The following SLC44A2 variants were observed in gnomAD, a reference collection of about 807,000 sequenced individuals.
SLC44A2 encodes choline transporter-like protein 2.
A neutral mutation model predicts 90.8 loss-of-function variants in SLC44A2; 57 were observed. That is an observed-to-expected ratio of 0.63 (90% CI 0.51 to 0.78). The LOEUF (loss-of-function observed/expected upper bound fraction) is 0.78, where lower values mean the gene tolerates loss of function less well. Ranked by LOEUF, SLC44A2 falls within the 30% of genes least tolerant of loss-of-function variation. SLC44A2 has a pLI of 0.00. For synonymous variants in SLC44A2, 355 were observed against 360.7 expected (o/e 0.98, Z 0.18); for missense variants, 794 against 919.7 (o/e 0.86, Z 1.77).
chr19:10,607,502 C>A (rs1199162508), intron 1 of SLC44A2, among the ~76,000 whole-genome samples: 1 of 149,406 alleles, frequency 6.7e-6, no homozygotes, highest in African/African-American at 2.5e-5. Flanking sequence ...GGGTGTGTGC[C>A]GTGATACTCA....
At chr19:10,630,252 G>C (rs566081607) in intron 4 of SLC44A2, among the ~76,000 whole-genome samples, 8 of 152,124 alleles carry the variant, frequency 5.3e-5, no homozygotes, top group Non-Finnish European at 1.0e-4. Context: ...TCAGGAGGAT[G>C]AGGTGGAGGA....
At chr19:10,634,179 G>A (rs1443928020) in intron 10 of SLC44A2, among the ~76,000 whole-genome samples, 5 of 133,658 alleles carry the variant, frequency 3.7e-5, no homozygotes, top group Non-Finnish European at 1.6e-5. Flanking sequence ...TAGTAGACAC[G>A]GGGTTTCACC....
At chr19:10,615,546 C>T (rs1159086265) in intron 1 of SLC44A2, among the ~76,000 whole-genome samples, 1 of 151,652 alleles carries the variant, frequency 6.6e-6, no homozygotes, top group African/African-American at 2.4e-5. Flanking sequence ...TGCGCTCCAG[C>T]CTGGGCAACA....
At chr19:10,614,123 G>A (rs2066836522) in intron 1 of SLC44A2, among the ~76,000 whole-genome samples, 5 of 151,788 alleles carry the variant, frequency 3.3e-5, no homozygotes, top group Admixed American at 2.0e-4. Flanking sequence ...ACACCACCAC[G>A]CCCAGCTAAT....
At chr19:10,614,226 C>G (rs1280608196) in intron 1 of SLC44A2, among the ~76,000 whole-genome samples, 3 of 152,060 alleles carry the variant, frequency 2.0e-5, no homozygotes, top group African/African-American at 7.2e-5. Context: ...CTCGGCCTCC[C>G]AAAGTGCAGG....
chr19:10,634,688 G>A (rs879868655), intron 10 of SLC44A2, 68 bp from the exon 11 acceptor site: 61 of 1,604,926 alleles, frequency 3.8e-5, no homozygotes, highest in South Asian at 1.5e-4. Context: ...TTAAATGGGG[G>A]CAGTTGTAGC....
intron 10 of SLC44A2, among the ~76,000 whole-genome samples, chr19:10,632,996 A>T (rs767282598): frequency 6.6e-6 from 1 of 151,740 alleles, no homozygotes. Context: ...TCTCTATAAA[A>T]TGAGGGTAAT....
intron 1 of SLC44A2, among the ~76,000 whole-genome samples, chr19:10,613,530 T>C (rs2066830544): frequency 1.3e-5 from 2 of 152,014 alleles, no homozygotes; most frequent in African/African-American, 4.8e-5. Flanking sequence ...GGATTACAGG[T>C]GTAAGCCACT....
Position 10,632,123 on chromosome 19 carries a change from A to C in SLC44A2, c.790A>C (p.Met264Leu), listed in dbSNP as rs1417943025. 9 of 1,613,886 alleles carry C rather than the reference A, an allele frequency of 5.6e-6. No homozygotes were observed. The highest frequency in any genetic ancestry group is 1.7e-5 in the Admixed American group (1 of 59,970). ...CCTGGCTGGTATTATGGTCTGGGTG[A>C]TGATCATCATGGTGATTCTGGTGCT... ...RFLAGIMVWV[M>L]IIMVILVLGY... Residue 264 changes from methionine (M) to leucine (L), a missense_variant, in exon 10 of 22, where the codon ATG becomes CTG. Physicochemically the swap from Met to Leu is conservative, Grantham distance 15. Coordinates refer to ENST00000335757, the MANE Select transcript of SLC44A2 (RefSeq NM_020428.4).
chr19:10,616,591 A>T (rs946644200), intron 1 of SLC44A2, among the ~76,000 whole-genome samples: 5 of 151,924 alleles, frequency 3.3e-5, no homozygotes, highest in African/African-American at 1.2e-4. Context: ...GGGACCTGGC[A>T]TAGTGGCTCA....
At chr19:10,642,110 T>C (rs1457592270) in intron 20 of SLC44A2, among the ~76,000 whole-genome samples, 2 of 147,818 alleles carry the variant, frequency 1.4e-5, no homozygotes, top group Non-Finnish European at 3.0e-5. Flanking sequence ...TGAGCCAAGA[T>C]CGTACCATGG....
At chr19:10,634,478 A>G (rs573918816) in intron 10 of SLC44A2, among the ~76,000 whole-genome samples, 248 of 151,800 alleles carry the variant, frequency 1.6e-3, no homozygotes, top group African/African-American at 5.3e-3. Context: ...AAAAAAAAAA[A>G]AGAGAGAGAA....
upstream of SLC44A2, chr19:10,602,471 C>T (rs1917986878): frequency 3.5e-6 from 4 of 1,151,812 alleles, no homozygotes; most frequent in South Asian, 1.2e-4. Context: ...CGCGGAGCCT[C>T]CCGCCCGCCC....
Position 10,636,752 on chromosome 19 carries a change from G to T in SLC44A2, c.1587G>T (p.Leu529=), listed in dbSNP as rs763309713. ...TACTCGAGTACCTGGATCAGCGGCT[G>T]AAAGGTACGTCCCACCCACGGTTCG... The part of the protein sequence containing the change: ...RVILEYLDQR[L]KAAENKFAKC... The change falls in exon 16 of 22, where the codon CTG becomes CTT. Residue 529 remains leucine, a synonymous_variant. Coordinates refer to ENST00000335757, the MANE Select transcript of SLC44A2 (RefSeq NM_020428.4). 1.2e-6 allele frequency: 2 copies of T among 1,613,432 alleles called. No individual in the cohort carries two copies. The highest frequency in any genetic ancestry group is 8.5e-7 in the Non-Finnish European group (1 of 1,179,652).
intron 1 of SLC44A2, chr19:10,602,654 G>T (rs1436272660): frequency 1.7e-6 from 2 of 1,154,622 alleles, no homozygotes. Flanking sequence ...AGGCACCGGC[G>T]CTGCGGCTGG....
At chr19:10,628,514 T>G (rs1311639422) in intron 4 of SLC44A2, among the ~76,000 whole-genome samples, 2 of 152,032 alleles carry the variant, frequency 1.3e-5, no homozygotes, top group Non-Finnish European at 2.9e-5. Flanking sequence ...ATTGTACCAT[T>G]GCACTCCAGC....
intron 1 of SLC44A2, among the ~76,000 whole-genome samples, chr19:10,606,951 G>A (rs367683047): frequency 1.5e-5 from 2 of 135,110 alleles, no homozygotes; most frequent in East Asian, 2.1e-4. Context: ...TCGCTCTGTC[G>A]CCCAGGCTGG....
chr19:10,611,977 G>T (rs1918316607), intron 1 of SLC44A2, among the ~76,000 whole-genome samples: 2 of 152,142 alleles, frequency 1.3e-5, no homozygotes, highest in Non-Finnish European at 2.9e-5. Flanking sequence ...TCTTTGGCTA[G>T]CTGTTTTCAC....
chr19:10,610,854 G>A (rs76359824), intron 1 of SLC44A2, among the ~76,000 whole-genome samples: 4,925 of 146,504 alleles, frequency 0.034, 345 homozygotes, highest in East Asian at 0.33. Context: ...TGGCCAGGCT[G>A]GTCTGGAACT....
Sources: allele counts gnomAD v4.1 joint callset (sites outside exome capture counted in the v4.1 genomes callset), GRCh38; gene constraint gnomAD v4.1.1; transcripts MANE v1.5; gene names NCBI Gene and HGNC (gene_info 2026-07-23, HGNC 2026-07-21).